Variants in TBC1D9B observed in about 807,000 individuals in gnomAD.
TBC1D9B encodes the protein TBC1 domain family member 9B.
Under a neutral mutation model 121.1 loss-of-function variants are expected in TBC1D9B, and 87 were observed. The observed-to-expected ratio is 0.72, with a 90% CI of 0.60 to 0.86. The LOEUF (loss-of-function observed/expected upper bound fraction) is 0.86, where lower values mean the gene tolerates loss of function less well. Among genes scored for constraint, TBC1D9B ranks in the 40% least tolerant of loss-of-function variants. The pLI is 0.00. For synonymous variants in TBC1D9B, 668 were observed against 670.1 expected (o/e 1.00, Z 0.05); for missense variants, 1,540 against 1,628.6 (o/e 0.95, Z 0.94).
In TBC1D9B at chr5:179,904,247, C is replaced by T. The variant is rs1046228247; in HGVS notation, c.229+455G>A. On this transcript the variant is annotated intron_variant, in intron 2 of 20. Coordinates refer to ENST00000355235, the MANE Select transcript of TBC1D9B (RefSeq NM_015043.4). This position sits in a 1 kb window ranked among gnomAD's most constrained non-coding sequence, Gnocchi z 4.2. ...TTTTTTTTTTTTTTTTTTTTTGAGACGGAATCTCGCTGTGTCGCCCAGGCT... is the reference window on the plus strand; with the variant it reads ...TTTTTTTTTTTTTTTTTTTTTGAGATGGAATCTCGCTGTGTCGCCCAGGCT... Among the ~76,000 whole-genome samples, 10 of 94,442 alleles carry T rather than the reference C, an allele frequency of 1.1e-4. No individual in the cohort carries two copies. Among genetic ancestry groups the T allele is most frequent in the African/African-American group, 7.5e-4 (7 of 9,328 alleles). 62.0% of individuals were successfully genotyped at this position (94,442 alleles called of 152,430 possible).
At chr5:179,887,997 G>A (rs754071263) in intron 7 of TBC1D9B, 106 bp downstream of exon 7, 16 of 1,404,702 alleles carry the variant, frequency 1.1e-5, no homozygotes, top group Admixed American at 3.5e-5. Flanking sequence ...CCTAGGCGGA[G>A]GCCCACAGCC....
rs369919693 is a variant in TBC1D9B, at chr5:179,907,078, G to A, written c.118+626C>T. Among the ~76,000 whole-genome samples, 4 of 152,288 alleles carry A rather than the reference G, an allele frequency of 2.6e-5. No individual in the cohort carries two copies. Among genetic ancestry groups the A allele is most frequent in the South Asian group, 4.1e-4 (2 of 4,826 alleles). On this transcript the variant is annotated intron_variant, in intron 1 of 20. Transcript: ENST00000355235. This position sits in a 1 kb window ranked among gnomAD's most constrained non-coding sequence, Gnocchi z 5.3. Reference sequence around the variant, plus strand: ...ATGGTGGCACCCGGGCCCACAAAGGGCCACCTTGGCGAGCTTGCAGGAACA... The same window carrying A: ...ATGGTGGCACCCGGGCCCACAAAGGACCACCTTGGCGAGCTTGCAGGAACA...
rs1392935148 is a variant in TBC1D9B at position 179,873,293 on chromosome 5, G to C, written c.2187-45C>G. ...ACAGTCCAGACCACGCCCAGGCAGA[G>C]GGAGCCTCCTTCCCACAGCTGGGTG... On this transcript the variant is annotated intron_variant, in intron 12 of 20. Coordinates refer to ENST00000355235, the MANE Select transcript of TBC1D9B (RefSeq NM_015043.4). The C allele has an allele frequency of 2.6e-6, 4 of 1,519,218 alleles. No homozygotes were observed. The South Asian group carries it at 3.9e-5, about 15-fold the overall frequency. 94.1% of individuals were successfully genotyped at this position (1,519,218 alleles called of 1,614,324 possible). A position where few individuals can be genotyped will look rare whatever the true frequency, so the allele number is the denominator to read the frequency against.
In TBC1D9B at chr5:179,863,136, G is replaced by T; in HGVS notation, c.*312C>A. On this transcript the variant is annotated 3_prime_UTR_variant, in exon 21 of 21. Coordinates refer to ENST00000355235, the MANE Select transcript of TBC1D9B (RefSeq NM_015043.4). This position sits in a 1 kb window ranked among gnomAD's most constrained non-coding sequence, Gnocchi z 4.5. ...GAGCACAGAGGTATGAGGCAAGCAAGGGCAGATCTGAGAGCCTGTAATGCT... is the reference window on the plus strand; with the variant it reads ...GAGCACAGAGGTATGAGGCAAGCAATGGCAGATCTGAGAGCCTGTAATGCT... 2.6e-6 allele frequency: 1 copy of T among 388,540 alleles called. No individual in the cohort carries two copies. The highest frequency in any genetic ancestry group is 3.3e-5 in the South Asian group (1 of 30,252). 24.1% of individuals were successfully genotyped at this position (388,540 alleles called of 1,614,324 possible).
At position 179,879,196 on chromosome 5, in the gene TBC1D9B, G is replaced by A. The variant is rs779906559; in HGVS notation, c.1418C>T (p.Ala473Val). 6.3e-7 allele frequency: 1 copy of A among 1,599,714 alleles called. No individual in the cohort carries two copies. Among genetic ancestry groups the A allele is most frequent in the African/African-American group, 1.3e-5 (1 of 75,038 alleles). The change falls in exon 9 of 21, where the codon GCC becomes GTC. Residue 473 changes from alanine (A) to valine (V), a missense_variant and splice_region_variant. Transcript: ENST00000355235. Reference sequence around the variant, plus strand: ...TGACTCCTCTTTCATCTTCTCCTTGGCCTGAGGGAAAAGCGCATCAGGGAG... The same window carrying A: ...TGACTCCTCTTTCATCTTCTCCTTGACCTGAGGGAAAAGCGCATCAGGGAG... ...SPMEDLGAKG[A>V]KEKMKEESWH...
Position 179,870,268 on chromosome 5 carries a change from G to A in TBC1D9B, c.2712C>T (p.Phe904=), listed in dbSNP as rs72813746. The change falls in exon 16 of 21, where the codon TTC becomes TTT. Residue 904 remains phenylalanine, a synonymous_variant. Transcript: ENST00000355235. ...NKDSLINFKE[F]VTGMSGMYHG... is the part of the protein sequence containing the mutation. ...GCAGGCACTCACTCATCCCTGTCAC[G>A]AACTCCTTGAAGTTGATCAGCGAGT... 0.024 allele frequency: 38,308 copies of A among 1,613,818 alleles called. 570 individuals carry two copies. The highest frequency in any genetic ancestry group is 0.048 in the Middle Eastern group (289 of 6,060).
At position 179,879,636 on chromosome 5, in the gene TBC1D9B, C is replaced by T. The variant is rs773318521; in HGVS notation, c.1408G>A (p.Ala470Thr). The T allele has an allele frequency of 2.3e-5, 37 of 1,613,840 alleles. No homozygotes were observed. Among genetic ancestry groups the T allele is most frequent in the Non-Finnish European group, 2.8e-5 (33 of 1,179,928 alleles). ...CGGCGCTCAGGGCTCACCCCCTTGG[C>T]TCCAAGGTCCTCCATGGGCGAGTTT... The part of the protein sequence containing the change: ...QKNSPMEDLG[A>T]KGAKEKMKEE... The change falls in exon 8 of 21, where the codon GCC becomes ACC. Residue 470 changes from alanine to threonine, a missense_variant. Physicochemically the swap from Ala to Thr is moderately conservative, Grantham distance 58. Coordinates refer to ENST00000355235, the MANE Select transcript of TBC1D9B (RefSeq NM_015043.4).
intron 4 of TBC1D9B, among the ~76,000 whole-genome samples, chr5:179,893,866 A>G (rs541104143): frequency 6.6e-6 from 1 of 152,316 alleles, no homozygotes; most frequent in East Asian, 1.9e-4. Context: ...TGGTCGTGAC[A>G]GGTAAGCGGC....
At chr5:179,886,117 C>T (rs564702424) in intron 7 of TBC1D9B, among the ~76,000 whole-genome samples, 7 of 152,318 alleles carry the variant, frequency 4.6e-5, no homozygotes, top group African/African-American at 1.7e-4. Flanking sequence ...CCATGAGCAA[C>T]AGAGAGAAAA....
At chr5:179,871,661 A>C in intron 14 of TBC1D9B, 131 bp from the exon 15 acceptor site, 7 of 922,854 alleles carry the variant, frequency 7.6e-6, no homozygotes, top group African/African-American at 1.6e-5. Flanking sequence ...CCCAGCACTC[A>C]AGGGCGGACC....
In TBC1D9B at chr5:179,874,896, T is replaced by A. The variant is rs770388913; in HGVS notation, c.2186+6A>T. 6.2e-7 allele frequency: 1 copy of A among 1,611,866 alleles called. No individual in the cohort carries two copies. Among genetic ancestry groups the A allele is most frequent in the South Asian group, 1.1e-5 (1 of 91,050 alleles). On this transcript the variant is annotated splice_donor_region_variant and intron_variant, in intron 12 of 20. Transcript: ENST00000355235. The surrounding 1 kb of genome is among the most constrained non-coding windows in gnomAD (Gnocchi z 4.3). The stretch of plus-strand genomic sequence containing the variant: ...CCCCAGCAGGAGAAGGAACCCGGCA[T>A]GTCACCTGCCCAGCATGGTCATGGC...
chr5:179,875,309 G>C lies in TBC1D9B; in HGVS notation c.1901-122C>G. ...CAGCTGTGCAGTGAGGGCTGAGGGA[G>C]ACTTGGAGTGCTGGGAGAAAACAAG... On this transcript the variant is annotated intron_variant, in intron 11 of 20. Coordinates refer to ENST00000355235, the MANE Select transcript of TBC1D9B (RefSeq NM_015043.4). This position sits in a 1 kb window ranked among gnomAD's most constrained non-coding sequence, Gnocchi z 4.5. 2.4e-6 allele frequency: 3 copies of C among 1,238,320 alleles called. No homozygotes were observed. The highest frequency in any genetic ancestry group is 3.3e-6 in the Non-Finnish European group (3 of 912,186). The allele number at this position is 1,238,320 out of a possible 1,614,324, so 76.7% of individuals were successfully genotyped here.
At position 179,885,713 on chromosome 5, in the gene TBC1D9B, G is replaced by A. The variant is rs942995511; in HGVS notation, c.1254+2390C>T. On this transcript the variant is annotated intron_variant, in intron 7 of 20. Coordinates refer to ENST00000355235, the MANE Select transcript of TBC1D9B (RefSeq NM_015043.4). The surrounding 1 kb of genome is among the most constrained non-coding windows in gnomAD (Gnocchi z 4.5). ...CATTGGCACCCGCTGGATTTCCAGT[G>A]CTCCATGGCCACACGTGGCTGCTGT... Among the ~76,000 whole-genome samples the A allele has an allele frequency of 6.6e-6, 1 of 152,172 alleles. No homozygotes were observed. Among genetic ancestry groups the A allele is most frequent in the East Asian group, 1.9e-4 (1 of 5,204 alleles).
In TBC1D9B at chr5:179,874,116, G is replaced by A. The variant is rs1760286426; in HGVS notation, c.2186+786C>T. Reference sequence around the variant, plus strand: ...ATTCCAGTCCGGACAAATACGCTATGTAGGAGGGTGGGACTGCACAGAGCT... The same window carrying A: ...ATTCCAGTCCGGACAAATACGCTATATAGGAGGGTGGGACTGCACAGAGCT... On this transcript the variant is annotated intron_variant, in intron 12 of 20. Coordinates refer to ENST00000355235, the MANE Select transcript of TBC1D9B (RefSeq NM_015043.4). This position sits in a 1 kb window ranked among gnomAD's most constrained non-coding sequence, Gnocchi z 4.3. Among the ~76,000 whole-genome samples the A allele has an allele frequency of 1.3e-5, 2 of 152,200 alleles. No homozygotes were observed. Among genetic ancestry groups the A allele is most frequent in the Non-Finnish European group, 2.9e-5 (2 of 68,032 alleles).
At chr5:179,888,975 G>A (rs1760776548) in intron 6 of TBC1D9B, among the ~76,000 whole-genome samples, 2 of 152,134 alleles carry the variant, frequency 1.3e-5, no homozygotes, top group Admixed American at 6.5e-5. Context: ...CCTGAGGGAG[G>A]AAGAGAAGGC....
rs1289789549 is a variant in TBC1D9B, at chr5:179,904,031, C to T, written c.229+671G>A. Among the ~76,000 whole-genome samples, 2 of 152,100 alleles carry T rather than the reference C, an allele frequency of 1.3e-5. No homozygotes were observed. The highest frequency in any genetic ancestry group is 4.8e-5 in the African/African-American group (2 of 41,416). The stretch of plus-strand genomic sequence containing the variant: ...GCTGGAAGTATTGATTTGGGGATTG[C>T]AAATACATTTTATTGAGTAGGCCAA... On this transcript the variant is annotated intron_variant, in intron 2 of 20. Transcript: ENST00000355235. The surrounding 1 kb of genome is among the most constrained non-coding windows in gnomAD (Gnocchi z 4.2).
chr5:179,879,118 G>C lies in TBC1D9B; in HGVS notation c.1496C>G (p.Ala499Gly), dbSNP rs1328986577. The C allele has an allele frequency of 6.2e-7, 1 of 1,607,784 alleles. No individual in the cohort carries two copies. Among genetic ancestry groups the C allele is most frequent in the Non-Finnish European group, 8.5e-7 (1 of 1,179,914 alleles). Residue 499 changes from alanine to glycine, a missense_variant, in exon 9 of 21, where the codon GCC becomes GGC. Physicochemically the swap from Ala to Gly is moderately conservative, Grantham distance 60. Transcript: ENST00000355235. ...YGRGVCMYRTAKTRALVLKGI... is the reference protein window; with the variant it reads ...YGRGVCMYRTGKTRALVLKGI... Reference sequence around the variant, plus strand: ...CTTCAGGACCAGTGCCCGCGTCTTGGCTGTGCGGTACATGCACACGCCACG... The same window carrying C: ...CTTCAGGACCAGTGCCCGCGTCTTGCCTGTGCGGTACATGCACACGCCACG...
chr5:179,873,440 A>C (rs1216126753), intron 12 of TBC1D9B, among the ~76,000 whole-genome samples, 192 bp from the exon 13 acceptor site: 1 of 152,208 alleles, frequency 6.6e-6, no homozygotes, highest in African/African-American at 2.4e-5. Context: ...AGCCCTCTAC[A>C]GGGCAGTGCC....
chr5:179,897,155 C>T (rs1761044750), intron 3 of TBC1D9B, among the ~76,000 whole-genome samples: 1 of 152,050 alleles, frequency 6.6e-6, no homozygotes. Context: ...GATCCGCCCG[C>T]CTCGGCCTCC....
Sources: gnomAD v4.1 joint callset for allele counts (sites outside exome capture counted in the v4.1 genomes callset) on GRCh38, gnomAD v4.1.1 for gene constraint, Gnocchi (gnomAD v3.1) non-coding constraint, MANE v1.5 for transcripts, NCBI Gene and HGNC (gene_info 2026-07-23, HGNC 2026-07-21) for gene names.